Variants in GALNT13 observed in about 807,000 individuals in gnomAD.
The protein encoded by GALNT13 is UDP-GalNAc:polypeptide N-acetylgalactosaminyltransferase 13.
Under a neutral mutation model 64.2 loss-of-function variants are expected in GALNT13, and 28 were observed. The ratio of observed to expected loss-of-function variants is 0.44; its 90% CI spans 0.32 to 0.60. GALNT13 has a LOEUF of 0.60. Among genes scored for constraint, GALNT13 ranks in the 20% least tolerant of loss-of-function variants. The probability of loss-of-function intolerance (pLI) is 0.05; values close to 1 mark genes in which losing one functional copy is unlikely to be tolerated. For synonymous variants in GALNT13, 214 were observed against 224.6 expected, an observed-to-expected ratio of 0.95 and a Z score of 0.42; for missense variants, 577 against 669.8, an observed-to-expected ratio of 0.86 and a Z score of 1.53.
intron 3 of GALNT13, among the ~76,000 whole-genome samples, chr2:154,065,603 G>A (rs1230530160): frequency 1.3e-5 from 2 of 152,154 alleles, no homozygotes; most frequent in Admixed American, 6.5e-5. Flanking sequence ...TGGATCTTAT[G>A]CAGTATCACC....
chr2:153,954,215 T>G (rs1692406818), intron 3 of GALNT13, among the ~76,000 whole-genome samples: 1 of 152,136 alleles, frequency 6.6e-6, no homozygotes, highest in Non-Finnish European at 1.5e-5. Context: ...TTAAAATATA[T>G]GGCTTCATCT....
At chr2:153,498,345 A>G in the GALNT13 span, among the ~76,000 whole-genome samples, 1 of 152,226 alleles carries the variant, frequency 6.6e-6, no homozygotes, top group African/African-American at 2.4e-5. Flanking sequence ...TCTTGTGCCC[A>G]CTGGGCTTGT....
At chr2:153,588,430 C>A in the GALNT13 span, among the ~76,000 whole-genome samples, 7 of 152,190 alleles carry the variant, frequency 4.6e-5, no homozygotes, top group South Asian at 2.1e-4. Context: ...ATTCCCAAAC[C>A]CCAATTTTTA....
At chr2:153,595,558 A>T in the GALNT13 span, among the ~76,000 whole-genome samples, 1 of 152,048 alleles carries the variant, frequency 6.6e-6, no homozygotes, top group Non-Finnish European at 1.5e-5. Context: ...TAATTAAAAT[A>T]AGAATGAATG....
At chr2:153,674,531 A>T in the GALNT13 span, among the ~76,000 whole-genome samples, 7 of 152,198 alleles carry the variant, frequency 4.6e-5, no homozygotes, top group African/African-American at 1.7e-4. Flanking sequence ...CCTTCCTTAC[A>T]CCTTATAAAA....
the GALNT13 span, among the ~76,000 whole-genome samples, chr2:153,429,847 C>T: frequency 6.6e-6 from 1 of 152,044 alleles, no homozygotes; most frequent in Non-Finnish European, 1.5e-5. Flanking sequence ...TTTTGACAAA[C>T]TATTTGACTA....
At chr2:153,148,005 A>C in the GALNT13 span, among the ~76,000 whole-genome samples, 1 of 151,848 alleles carries the variant, frequency 6.6e-6, no homozygotes, top group Admixed American at 6.6e-5. Flanking sequence ...ACGTATAAGA[A>C]CTACATCTAG....
chr2:153,867,290 T>C (rs551429559), upstream of GALNT13, among the ~76,000 whole-genome samples: 5 of 152,300 alleles, frequency 3.3e-5, no homozygotes, highest in African/African-American at 1.2e-4. Flanking sequence ...ATCCAGGCTA[T>C]CTAATTACGG....
At chr2:154,015,733 C>T (rs1696959911) in intron 3 of GALNT13, among the ~76,000 whole-genome samples, 1 of 152,190 alleles carries the variant, frequency 6.6e-6, no homozygotes, top group African/African-American at 2.4e-5. Context: ...CTTACTGTCA[C>T]ATATTTTGAA....
chr2:153,721,505 C>G, the GALNT13 span, among the ~76,000 whole-genome samples: 1 of 150,692 alleles, frequency 6.6e-6, no homozygotes, highest in African/African-American at 2.5e-5. Flanking sequence ...CAATAAAAGA[C>G]ACAGACTGGC....
the GALNT13 span, among the ~76,000 whole-genome samples, chr2:153,610,315 C>A: frequency 6.6e-6 from 1 of 151,760 alleles, no homozygotes; most frequent in East Asian, 1.9e-4. Flanking sequence ...AAACAGGATG[C>A]AAAAAAGGAA....
At chr2:153,419,370 G>T in the GALNT13 span, among the ~76,000 whole-genome samples, 1 of 152,078 alleles carries the variant, frequency 6.6e-6, no homozygotes, top group Admixed American at 6.6e-5. Flanking sequence ...ATGAGATTTG[G>T]GTGAGGACAC....
the GALNT13 span, among the ~76,000 whole-genome samples, chr2:153,301,319 GA>G: frequency 3.3e-4 from 26 of 77,952 alleles, 1 homozygote; most frequent in Middle Eastern, 9.3e-3. Context: ...CAAAAAAAAA[GA>G]AAAAAAAAAA....
chr2:153,312,853 G>C, the GALNT13 span, among the ~76,000 whole-genome samples: 1 of 152,062 alleles, frequency 6.6e-6, no homozygotes, highest in Non-Finnish European at 1.5e-5. Context: ...TAAAGGGGGT[G>C]AATTTTATCC....
intron 8 of GALNT13, among the ~76,000 whole-genome samples, chr2:154,268,107 A>G (rs1338856738): frequency 6.6e-6 from 1 of 152,202 alleles, no homozygotes; most frequent in African/African-American, 2.4e-5. Context: ...TGGAAAGGAA[A>G]ATGTATATTC....
intron 4 of GALNT13, among the ~76,000 whole-genome samples, chr2:154,228,008 TAGC>T (rs1253153714): frequency 6.6e-6 from 1 of 152,134 alleles, no homozygotes; most frequent in East Asian, 1.9e-4. Context: ...CTAGAAAACA[TAGC>T]AGTCCTACGT....
At chr2:153,513,939 A>G in the GALNT13 span, among the ~76,000 whole-genome samples, 1 of 151,978 alleles carries the variant, frequency 6.6e-6, no homozygotes, top group Non-Finnish European at 1.5e-5. Context: ...TTTTCCTCTC[A>G]TTCTTGCCAC....
chr2:153,893,708 G>T (rs1332074688), intron 1 of GALNT13, among the ~76,000 whole-genome samples: 1 of 151,920 alleles, frequency 6.6e-6, no homozygotes, highest in Non-Finnish European at 1.5e-5. Flanking sequence ...TTATTTTTAT[G>T]ACTACATGGC....
chr2:153,984,594 T>C (rs927877736), intron 3 of GALNT13, among the ~76,000 whole-genome samples: 2 of 151,908 alleles, frequency 1.3e-5, no homozygotes, highest in Non-Finnish European at 2.9e-5. Context: ...ATCAATTTTA[T>C]TGAAGTGTAA....
Sources: gnomAD v4.1 joint callset for allele counts (sites outside exome capture counted in the v4.1 genomes callset) on GRCh38, gnomAD v4.1.1 for gene constraint, MANE v1.5 for transcripts, NCBI Gene and HGNC (gene_info 2026-07-23, HGNC 2026-07-21) for gene names.